Variants in PINK1 observed in about 807,000 individuals in gnomAD.
PINK1 encodes PTEN induced kinase 1.
In PINK1, 58 loss-of-function variants were observed where a neutral mutation model predicts 56.0. The observed-to-expected ratio is 1.04, with a 90% CI of 0.84 to 1.29. The LOEUF is 1.29. Ranked by LOEUF, PINK1 falls within the 50% of genes most tolerant of loss-of-function variation. The probability of loss-of-function intolerance (pLI) is 0.00; values close to 1 mark genes in which losing one functional copy is unlikely to be tolerated. For missense variants in PINK1, 745 were observed against 777.9 expected (o/e 0.96, Z 0.50); for synonymous variants, 354 against 339.3 (o/e 1.04, Z -0.48).
In PINK1 at chr1:20,645,700, A is replaced by G. The variant is rs749040285; in HGVS notation, c.1100A>G (p.Asn367Ser). The change falls in exon 5 of 8, where the codon AAC (asparagine) becomes AGC (serine). Residue 367 changes from asparagine to serine, a missense_variant. Asn to Ser is a conservative substitution (Grantham distance 46). Coordinates refer to ENST00000321556, the MANE Select transcript of PINK1 (RefSeq NM_032409.3). ...GCGCACAGAGACCTGAAATCCGACA[A>G]CATCCTTGTGGAGCTGGACCCAGGT... ...GIAHRDLKSD[N>S]ILVELDPDGC... 19 of 1,613,960 alleles carry G rather than the reference A, an allele frequency of 1.2e-5. No homozygotes were observed. The highest frequency in any genetic ancestry group is 1.5e-5 in the Non-Finnish European group (18 of 1,180,024).
At chr1:20,646,525 T>C (rs1448631929) in intron 5 of PINK1, among the ~76,000 whole-genome samples, 1 of 151,936 alleles carries the variant, frequency 6.6e-6, no homozygotes, top group Non-Finnish European at 1.5e-5. Context: ...GCGCCTGTAA[T>C]CTCAGCTACT....
intron 4 of PINK1, 132 bp downstream of exon 4, chr1:20,644,804 A>G: frequency 8.2e-7 from 1 of 1,215,070 alleles, no homozygotes; most frequent in African/African-American, 1.5e-5. Flanking sequence ...GAAGAAAGCC[A>G]TGCAAAGGGA....
chr1:20,649,244 C>T lies in PINK1; in HGVS notation c.1488+13C>T. 1.2e-6 allele frequency: 2 copies of T among 1,613,466 alleles called. No individual in the cohort carries two copies. Among genetic ancestry groups the T allele is most frequent in the Non-Finnish European group, 1.7e-6 (2 of 1,179,502 alleles). On this transcript the variant is annotated intron_variant, in intron 7 of 7. Transcript: ENST00000321556. ...AGAGGCCAGCAAGGTGAGGCTGTCC[C>T]CGGCTTCGAGGGGACGGTGTGGGTA...
intron 3 of PINK1, among the ~76,000 whole-genome samples, chr1:20,640,224 G>A (rs1234775705): frequency 6.6e-6 from 1 of 152,122 alleles, no homozygotes. Context: ...GGGAGAGGAG[G>A]CCCCCCAAAA....
chr1:20,648,226 T>C (rs965686806), intron 5 of PINK1: 2 of 477,442 alleles, frequency 4.2e-6, no homozygotes, highest in Non-Finnish European at 7.7e-6. Flanking sequence ...TCTAGCTCCT[T>C]TGGTCTTGGG....
Position 20,650,853 on chromosome 1 carries a change from G to C in PINK1, c.*162G>C. 1.1e-6 allele frequency: 1 copy of C among 915,412 alleles called. No individual in the cohort carries two copies. Among genetic ancestry groups the C allele is most frequent in the Non-Finnish European group, 1.7e-6 (1 of 594,340 alleles). The allele number at this position is 915,412 out of a possible 1,614,324, so 56.7% of individuals were successfully genotyped here. A position where few individuals can be genotyped will look rare whatever the true frequency, so the allele number is the denominator to read the frequency against. ...TTGGCAAATGGAAGAACTTGAGTGA[G>C]AGTTCAGTCTGCAGTCCTCTGCTCA... On this transcript the variant is annotated 3_prime_UTR_variant, in exon 8 of 8. Transcript: ENST00000321556.
At chr1:20,648,380 G>C in intron 5 of PINK1, 125 bp from the exon 6 acceptor site, 1 of 1,441,392 alleles carries the variant, frequency 6.9e-7, no homozygotes. Context: ...CTGACCTCCT[G>C]GGCCAACACT....
chr1:20,650,413 C>T (rs1031736135), intron 7 of PINK1, 21 bp from the exon 8 acceptor site: 3 of 1,613,520 alleles, frequency 1.9e-6, no homozygotes, highest in Non-Finnish European at 2.5e-6. Flanking sequence ...GTTCTAGCTA[C>T]AGCTTCCCTT....
Position 20,650,637 on chromosome 1 carries a change from T to G in PINK1, c.1692T>G (p.Cys564Trp), listed in dbSNP as rs1180600586. The G allele has an allele frequency of 5.0e-6, 8 of 1,614,174 alleles. No individual in the cohort carries two copies. The highest frequency in any genetic ancestry group is 6.8e-6 in the Non-Finnish European group (8 of 1,180,026). The change falls in exon 8 of 8, where the codon TGT (cysteine) becomes TGG (tryptophan). Residue 564 changes from cysteine to tryptophan, a missense_variant. By Grantham distance (215) the Cys-to-Trp change is radical (BLOSUM62 -2). Transcript: ENST00000321556. ...TGCTCTTTCTGGCTAACCTGGAGTG[T>G]GAAACGCTCTGCCAGGCAGCCCTCC... ...MKMLFLANLE[C>W]ETLCQAALLL...
intron 3 of PINK1, among the ~76,000 whole-genome samples, chr1:20,644,139 T>G (rs2053148068): frequency 6.6e-6 from 1 of 152,212 alleles, no homozygotes; most frequent in East Asian, 1.9e-4. Flanking sequence ...TTGGGGCTAC[T>G]GCAACTCAGC....
rs2053272388 is a variant in PINK1, at chr1:20,651,361, A to AGTC, written c.*670_*671insGTC. 6.5e-6 allele frequency: 1 copy of AGTC among 154,128 alleles called. No individual in the cohort carries two copies. Among genetic ancestry groups the AGTC allele is most frequent in the Non-Finnish European group, 1.4e-5 (1 of 69,466 alleles). The allele number at this position is 154,128 out of a possible 1,614,324, so 9.5% of individuals were successfully genotyped here. On this transcript the variant is annotated 3_prime_UTR_variant, in exon 8 of 8. Coordinates refer to ENST00000321556, the MANE Select transcript of PINK1 (RefSeq NM_032409.3). ...AACTGAATATTTGGCTTTAAGAATG[A>AGTC]TTCTTATACTCTGAAGGTGAGAATA...
rs1015767666 is a variant in PINK1 at position 20,641,960 on chromosome 1, C to T, written c.776+1968C>T. On this transcript the variant is annotated intron_variant, in intron 3 of 7. Transcript: ENST00000321556. The surrounding 1 kb of genome is among the most constrained non-coding windows in gnomAD (Gnocchi z 4.0). ...CTCTGCCCCTGAGCTCCCATGACAC[C>T]TGCTGGGGCCCTGACAGCCTGGGGC... Among the ~76,000 whole-genome samples the T allele has an allele frequency of 3.3e-5, 5 of 152,218 alleles. No homozygotes were observed. The highest frequency in any genetic ancestry group is 1.2e-4 in the African/African-American group (5 of 41,458).
In PINK1 at chr1:20,640,010, G is replaced by A. The variant is rs746750538; in HGVS notation, c.776+18G>A. 5.1e-6 allele frequency: 8 copies of A among 1,583,204 alleles called. No homozygotes were observed. The Admixed American group carries it at 1.3e-4, about 25-fold the overall frequency. On this transcript the variant is annotated intron_variant, in intron 3 of 7. Coordinates refer to ENST00000321556, the MANE Select transcript of PINK1 (RefSeq NM_032409.3). ...ACTTACAGGTAAGTGCCCTCTGCCT[G>A]CCAGACTGACTGGGACTTCTTTGAG... is the stretch of plus-strand genomic sequence containing the variant.
chr1:20,638,913 C>T (rs1411213521), intron 2 of PINK1: 1 of 152,374 alleles, frequency 6.6e-6, no homozygotes, highest in African/African-American at 2.4e-5. Flanking sequence ...ACCTCCAGCT[C>T]AGAGGCTTGC....
chr1:20,637,450 C>A (rs2053067700), intron 1 of PINK1, among the ~76,000 whole-genome samples: 1 of 152,184 alleles, frequency 6.6e-6, no homozygotes, highest in African/African-American at 2.4e-5. Context: ...GTGGATCACA[C>A]ACTCCTGCTA....
intron 3 of PINK1, chr1:20,642,763 G>A: frequency 6.6e-6 from 1 of 152,392 alleles, no homozygotes; most frequent in Non-Finnish European, 1.5e-5. Context: ...ACCTCCCTGG[G>A]CTCAAGTGAT....
Position 20,650,446 on chromosome 1 carries a change from C to T in PINK1, c.1501C>T (p.Arg501Ter), listed in dbSNP as rs1432225013. 4 of 1,613,864 alleles carry T rather than the reference C, an allele frequency of 2.5e-6. No homozygotes were observed. Among genetic ancestry groups the T allele is most frequent in the Middle Eastern group, 3.3e-4 (2 of 6,022 alleles). Residue 501 changes from arginine to a stop codon, truncating the protein, a stop_gained, in exon 8 of 8, where the codon CGA (arginine) becomes TGA (stop). Coordinates refer to ENST00000321556, the MANE Select transcript of PINK1 (RefSeq NM_032409.3). LOFTEE classifies it high-confidence loss of function. ...QREASKRPSA[R>*]VAANVLHLSL... The stretch of plus-strand genomic sequence containing the variant: ...CTTCCTGTTGCAGAGACCATCTGCC[C>T]GAGTAGCCGCAAATGTGCTTCATCT...
rs1374186109 is a variant in PINK1 at position 20,633,466 on chromosome 1, C to A, written c.-83C>A. 5 of 1,051,870 alleles carry A rather than the reference C, an allele frequency of 4.8e-6. No individual in the cohort carries two copies. Among genetic ancestry groups the A allele is most frequent in the Non-Finnish European group, 5.8e-6 (5 of 868,982 alleles). The allele number at this position is 1,051,870 out of a possible 1,614,324, so 65.2% of individuals were successfully genotyped here. A position where few individuals can be genotyped will look rare whatever the true frequency, so the allele number is the denominator to read the frequency against. ...AGCGCCTGCGCCTGCGCAGAGGCAC[C>A]GCCCCAAGTTTGTTGTGACCGGCGG... On this transcript the variant is annotated 5_prime_UTR_variant, in exon 1 of 8. Coordinates refer to ENST00000321556, the MANE Select transcript of PINK1 (RefSeq NM_032409.3).
intron 2 of PINK1, 74 bp from the exon 3 acceptor site, chr1:20,639,818 A>T: frequency 7.4e-7 from 1 of 1,351,312 alleles, no homozygotes; most frequent in Non-Finnish European, 1.0e-6. Context: ...GCTCCAGGTT[A>T]CAGGCAGGGC....
Sources: gnomAD v4.1 joint callset for allele counts (sites outside exome capture counted in the v4.1 genomes callset) on GRCh38, gnomAD v4.1.1 for gene constraint, Gnocchi (gnomAD v3.1) non-coding constraint, MANE v1.5 for transcripts, NCBI Gene and HGNC (gene_info 2026-07-23, HGNC 2026-07-21) for gene names.